LRRC4C: variants seen among roughly 807,000 people sequenced by gnomAD.
The protein encoded by LRRC4C is leucine-rich repeat-containing protein 4C.
In LRRC4C, 5 loss-of-function variants were observed where a neutral mutation model predicts 33.6. The observed-to-expected ratio is 0.15, with a 90% confidence interval of 0.08 to 0.31. The LOEUF (loss-of-function observed/expected upper bound fraction) is 0.31, where lower values mean the gene tolerates loss of function less well. LRRC4C is among the 10% of genes least tolerant of loss of function. The pLI, the probability that LRRC4C is intolerant of heterozygous loss-of-function variation, is 1.00. For missense variants in LRRC4C, 560 were observed against 796.7 expected (o/e 0.70, Z 3.58); for synonymous variants, 329 against 302.0 (o/e 1.09, Z -0.93).
chr11:41,364,810 C>A (rs1431615588), intron 1 of LRRC4C, among the ~76,000 whole-genome samples: 1 of 152,118 alleles, frequency 6.6e-6, no homozygotes, highest in Non-Finnish European at 1.5e-5. Flanking sequence ...CCCACCTAGA[C>A]ATAAAGAGAA....
At chr11:41,423,991 A>C (rs1954956345) in intron 1 of LRRC4C, 1 of 152,188 alleles carries the variant, frequency 6.6e-6, no homozygotes, top group Non-Finnish European at 1.5e-5. Flanking sequence ...TAAGTCCAAA[A>C]ACCCTCTTTC....
chr11:40,984,928 A>C (rs536698295), intron 1 of LRRC4C, among the ~76,000 whole-genome samples: 1 of 33,926 alleles, frequency 2.9e-5, no homozygotes, highest in Non-Finnish European at 8.1e-5. Context: ...TTGAGACGCA[A>C]TCTCGCTCTG....
chr11:41,027,471 A>C (rs1289402534), intron 1 of LRRC4C, among the ~76,000 whole-genome samples: 2 of 151,874 alleles, frequency 1.3e-5, no homozygotes, highest in Middle Eastern at 3.4e-3. Context: ...TAATGCACTC[A>C]TATGTCGTAG....
chr11:41,184,127 A>G (rs1026253903), intron 1 of LRRC4C, among the ~76,000 whole-genome samples: 14 of 152,146 alleles, frequency 9.2e-5, no homozygotes, highest in African/African-American at 3.1e-4. Context: ...CTGTAATGGG[A>G]GGGGCTGCTG....
In LRRC4C at chr11:40,261,260, G is replaced by A. The variant is rs113761970; in HGVS notation, c.-175-19662C>T. Among the ~76,000 whole-genome samples the A allele has an allele frequency of 8.0e-3, 1,219 of 152,164 alleles. 16 individuals are homozygous for A. Among genetic ancestry groups the A allele is most frequent in the African/African-American group, 0.027 (1,114 of 41,522 alleles). ...AACTCACCTGCTGAAAACAAAAGTC[G>A]TTGATTTGAAAAAGAAAGAAATAAA... is the stretch of plus-strand genomic sequence containing the variant. On this transcript the variant is annotated intron_variant, in intron 4 of 6. Coordinates refer to ENST00000528697, the MANE Select transcript of LRRC4C (RefSeq NM_001258419.2).
At chr11:40,968,969 A>G (rs1020773145) in intron 1 of LRRC4C, among the ~76,000 whole-genome samples, 1 of 152,172 alleles carries the variant, frequency 6.6e-6, no homozygotes, top group African/African-American at 2.4e-5. Context: ...TAGCTGCCAC[A>G]GGTAGTGATT....
intron 5 of LRRC4C, among the ~76,000 whole-genome samples, chr11:40,209,785 CT>C (rs1237560828): frequency 4.6e-5 from 7 of 152,118 alleles, no homozygotes; most frequent in Admixed American, 1.3e-4. Flanking sequence ...TCCTCAAGAA[CT>C]TTAATTCTAG....
At chr11:41,165,769 C>A (rs1944693487) in intron 1 of LRRC4C, among the ~76,000 whole-genome samples, 5 of 152,246 alleles carry the variant, frequency 3.3e-5, no homozygotes, top group Middle Eastern at 6.8e-3. Flanking sequence ...GTGGCTCAGA[C>A]CTGTAATCCC....
chr11:41,222,355 C>A (rs896013247), intron 1 of LRRC4C, among the ~76,000 whole-genome samples: 9 of 152,224 alleles, frequency 5.9e-5, no homozygotes, highest in Middle Eastern at 3.4e-3. Context: ...AGACAGCTGA[C>A]ACTTCCTCTC....
chr11:41,017,403 C>T (rs1855663900), intron 1 of LRRC4C, among the ~76,000 whole-genome samples: 1 of 152,132 alleles, frequency 6.6e-6, no homozygotes, highest in Admixed American at 6.5e-5. Flanking sequence ...ATCCAAGGAA[C>T]ATCTACAAAA....
At chr11:40,465,472 C>T (rs1422643329) in intron 3 of LRRC4C, among the ~76,000 whole-genome samples, 3 of 151,784 alleles carry the variant, frequency 2.0e-5, no homozygotes, top group Admixed American at 1.3e-4. Flanking sequence ...ACTAAAAAAC[C>T]TTCTGCAGTG....
chr11:40,362,891 T>C (rs1948023355), intron 3 of LRRC4C, among the ~76,000 whole-genome samples: 1 of 152,134 alleles, frequency 6.6e-6, no homozygotes, highest in East Asian at 1.9e-4. Context: ...TCAGAATGGC[T>C]ATTATTAAAA....
At chr11:41,449,820 G>A (rs12799802) in intron 1 of LRRC4C, among the ~76,000 whole-genome samples, 1 of 150,594 alleles carries the variant, frequency 6.6e-6, no homozygotes. Flanking sequence ...GTGGTCAGAA[G>A]TAGAGCTGAC....
At chr11:41,292,130 G>A (rs949125585) in intron 1 of LRRC4C, among the ~76,000 whole-genome samples, 4 of 152,036 alleles carry the variant, frequency 2.6e-5, no homozygotes, top group African/African-American at 2.4e-5. Flanking sequence ...AGCTTGTCTC[G>A]CCTTTCATAG....
intron 2 of LRRC4C, among the ~76,000 whole-genome samples, chr11:40,722,066 T>C (rs1031962974): frequency 1.3e-5 from 2 of 152,184 alleles, no homozygotes; most frequent in African/African-American, 4.8e-5. Context: ...TATTACGTTT[T>C]TACATCCACA....
chr11:40,981,258 A>G (rs1337708394), intron 1 of LRRC4C, among the ~76,000 whole-genome samples: 2 of 152,124 alleles, frequency 1.3e-5, no homozygotes, highest in Non-Finnish European at 2.9e-5. Flanking sequence ...TACTAAAAAT[A>G]CAAAACTTAG....
At chr11:40,374,257 T>A (rs1948574319) in intron 3 of LRRC4C, among the ~76,000 whole-genome samples, 1 of 152,158 alleles carries the variant, frequency 6.6e-6, no homozygotes. Flanking sequence ...GTGATGCTTG[T>A]GGTTGATATT....
In LRRC4C at chr11:41,018,975, T is replaced by C. The variant is rs185556566; in HGVS notation, c.-495-85252A>G. Among the ~76,000 whole-genome samples the C allele has an allele frequency of 2.1e-4, 32 of 152,274 alleles. 1 individual carries two copies. Among genetic ancestry groups the C allele is most frequent in the Admixed American group, 2.0e-3 (31 of 15,284 alleles). ...TTACAAACCTATTACAATCAAGATA[T>C]AGAATATTTACTTCCATCCCTCAAA... On this transcript the variant is annotated intron_variant, in intron 1 of 6. Coordinates refer to ENST00000528697, the MANE Select transcript of LRRC4C (RefSeq NM_001258419.2).
chr11:40,731,515 T>A (rs754688343), intron 2 of LRRC4C, among the ~76,000 whole-genome samples: 1 of 152,156 alleles, frequency 6.6e-6, no homozygotes, highest in Non-Finnish European at 1.5e-5. Context: ...CAATTAAATT[T>A]CTTTTCTTTA....
Sources: allele counts gnomAD v4.1 joint callset (sites outside exome capture counted in the v4.1 genomes callset), GRCh38; gene constraint gnomAD v4.1.1; transcripts MANE v1.5; gene names NCBI Gene and HGNC (gene_info 2026-07-23, HGNC 2026-07-21).